SMC3: variants seen among roughly 807,000 people sequenced by gnomAD.
The protein encoded by SMC3 is structural maintenance of chromosomes 3.
SMC3 carries 20 observed loss-of-function variants against 171.8 expected under a neutral mutation model. That is an observed-to-expected ratio of 0.12 (90% CI 0.08 to 0.17). SMC3 has a LOEUF of 0.17. SMC3 is among the 10% of genes least tolerant of loss of function. SMC3 has a pLI of 1.00. For missense variants in SMC3, 543 were observed against 1,420.4 expected (o/e 0.38, Z 9.93); for synonymous variants, 464 against 451.1 (o/e 1.03, Z -0.36).
intron 7 of SMC3, 32 bp downstream of exon 7, chr10:110,578,738 A>G: frequency 6.6e-7 from 1 of 1,504,264 alleles, no homozygotes; most frequent in Non-Finnish European, 9.2e-7. Context: ...TTTAAGTAGA[A>G]TTTGTTTTCT....
intron 13 of SMC3, 130 bp downstream of exon 13, chr10:110,584,526 T>G: frequency 1.5e-6 from 1 of 670,442 alleles, no homozygotes; most frequent in Non-Finnish European, 2.6e-6. Flanking sequence ...GATACTTATT[T>G]AGAAAAGGCC....
intron 7 of SMC3, 59 bp downstream of exon 7, chr10:110,578,765 A>G (rs1860992035): frequency 6.0e-6 from 8 of 1,343,564 alleles, no homozygotes; most frequent in Non-Finnish European, 8.4e-6. Context: ...TTCTTGAGTG[A>G]TGAATTTGGT....
chr10:110,577,383 A>G (rs1182285160), intron 4 of SMC3, 38 bp from the exon 5 acceptor site: 1 of 1,480,990 alleles, frequency 6.8e-7, no homozygotes, highest in Non-Finnish European at 9.4e-7. Flanking sequence ...ATGAATATAC[A>G]ACTTAAATGG....
chr10:110,592,804 G>C (rs1156525158), intron 17 of SMC3, among the ~76,000 whole-genome samples: 1 of 152,140 alleles, frequency 6.6e-6, no homozygotes, highest in African/African-American at 2.4e-5. Flanking sequence ...ATGGTGAAAC[G>C]AGTGTTTGAA....
rs1348417488 is a variant in SMC3 at position 110,602,636 on chromosome 10, G to A, written c.3268G>A (p.Val1090Ile). The A allele has an allele frequency of 1.2e-6, 2 of 1,614,050 alleles. No individual in the cohort carries two copies. Among genetic ancestry groups the A allele is most frequent in the Admixed American group, 1.7e-5 (1 of 60,008 alleles). ...TGGCTCACAAAGCAGTGTCCCATCA[G>A]TTGACCAGTTTACTGGAGTTGGAAT... The part of the protein sequence containing the change: ...GSGSQSSVPS[V>I]DQFTGVGIRV... The change falls in exon 26 of 29, where the codon GTT (valine) becomes ATT (isoleucine). Residue 1090 changes from valine (V) to isoleucine (I), a missense_variant. Val to Ile is a conservative substitution (Grantham distance 29). This residue lies in a region of SMC3 where 34 missense variants were observed against 59.1 expected (regional missense o/e 0.58). Transcript: ENST00000361804.
At chr10:110,588,352 T>A (rs1314434291) in intron 13 of SMC3, among the ~76,000 whole-genome samples, 1 of 152,206 alleles carries the variant, frequency 6.6e-6, no homozygotes, top group African/African-American at 2.4e-5. Context: ...AGTAGTAACA[T>A]TGACTTTTGT....
intron 13 of SMC3, among the ~76,000 whole-genome samples, chr10:110,586,292 G>A (rs569232501): frequency 3.3e-5 from 5 of 152,198 alleles, no homozygotes; most frequent in Non-Finnish European, 5.9e-5. Flanking sequence ...AGGTAAAATT[G>A]CGAGGAGTGT....
chr10:110,592,347 A>G (rs943684075), intron 17 of SMC3, among the ~76,000 whole-genome samples: 2 of 152,074 alleles, frequency 1.3e-5, no homozygotes, highest in African/African-American at 4.8e-5. Context: ...CTCGCAGGTA[A>G]CCACTGTAGG....
Position 110,603,015 on chromosome 10 carries a change from TAC to T in SMC3, c.3475+15_3475+16del. ...AAGGCTGTGTCAGGTACAGTTTCAG[TAC>T]AGTTTTGGTTTTGTATTTAACAATA... On this transcript the variant is annotated intron_variant, in intron 27 of 28. Coordinates refer to ENST00000361804, the MANE Select transcript of SMC3 (RefSeq NM_005445.4). 1.9e-6 allele frequency: 3 copies of T among 1,613,948 alleles called. No homozygotes were observed. The highest frequency in any genetic ancestry group is 2.2e-5 in the South Asian group (2 of 91,080).
At chr10:110,576,690 T>C (rs958647066) in intron 4 of SMC3, among the ~76,000 whole-genome samples, 4 of 151,992 alleles carry the variant, frequency 2.6e-5, no homozygotes, top group African/African-American at 9.7e-5. Context: ...GTAATCAGAA[T>C]TGATTTCCTT....
In SMC3 at chr10:110,596,558, T is replaced by A. The variant is rs1043821255; in HGVS notation, c.2116+8T>A. 3 of 1,613,372 alleles carry A rather than the reference T, an allele frequency of 1.9e-6. No homozygotes were observed. The highest frequency in any genetic ancestry group is 1.7e-6 in the Non-Finnish European group (2 of 1,179,598). The stretch of plus-strand genomic sequence containing the variant: ...TGCGCAGAAATATTGAAAATATCTT[T>A]TTGTTTTGTGCATAGTGATAGATAT... On this transcript the variant is annotated splice_region_variant and intron_variant, in intron 19 of 28. Coordinates refer to ENST00000361804, the MANE Select transcript of SMC3 (RefSeq NM_005445.4).
At chr10:110,593,651 T>C (rs1861245528) in intron 18 of SMC3, among the ~76,000 whole-genome samples, 1 of 152,148 alleles carries the variant, frequency 6.6e-6, no homozygotes, top group African/African-American at 2.4e-5. Context: ...TTACAGTATT[T>C]TGGAGACATT....
chr10:110,598,410 C>A (rs1861333305), intron 20 of SMC3, 120 bp downstream of exon 20: 3 of 889,534 alleles, frequency 3.4e-6, no homozygotes, highest in Non-Finnish European at 5.1e-6. Flanking sequence ...TGGACCCATA[C>A]TTTTTTTTTT....
In SMC3 at chr10:110,578,649, C is replaced by T. The variant is rs972620847; in HGVS notation, c.372C>T (p.Leu124=). The T allele has an allele frequency of 5.6e-6, 9 of 1,609,912 alleles. No individual in the cohort carries two copies. In the Admixed American group the frequency reaches 1.2e-4, roughly 21 times the overall value. The change falls in exon 7 of 29, where the codon CTC becomes CTT. Residue 124 remains leucine (L), a synonymous_variant. Coordinates refer to ENST00000361804, the MANE Select transcript of SMC3 (RefSeq NM_005445.4). Reference sequence around the variant, plus strand: ...ACAGGAAAAATGATGTGATGAACCTCCTTGAAAGCGCTGGTTTTTCTCGAA... The same window carrying T: ...ACAGGAAAAATGATGTGATGAACCTTCTTGAAAGCGCTGGTTTTTCTCGAA... ...KMVTKNDVMN[L]LESAGFSRSN...
At position 110,601,756 on chromosome 10, in the gene SMC3, C is replaced by G; in HGVS notation, c.2764C>G (p.Leu922Val). The change falls in exon 24 of 29, where the codon CTG becomes GTG. Residue 922 changes from leucine to valine, a missense_variant. Physicochemically the swap from Leu to Val is conservative, Grantham distance 32. Transcript: ENST00000361804. ...MDAINHDTKELEKMTNRQGML... is the reference protein window; with the variant it reads ...MDAINHDTKEVEKMTNRQGML... ...TGCTATAAATCATGATACTAAAGAACTGGAAAAGATGACAAATCGGCAAGG... is the reference window on the plus strand; with the variant it reads ...TGCTATAAATCATGATACTAAAGAAGTGGAAAAGATGACAAATCGGCAAGG... 6.2e-7 allele frequency: 1 copy of G among 1,613,674 alleles called. No homozygotes were observed. The highest frequency in any genetic ancestry group is 8.5e-7 in the Non-Finnish European group (1 of 1,179,880).
intron 18 of SMC3, among the ~76,000 whole-genome samples, chr10:110,594,598 CTGAATTT>C (rs1286363481): frequency 1.3e-5 from 2 of 152,046 alleles, no homozygotes; most frequent in African/African-American, 4.8e-5. Context: ...CACAGATCTT[CTGAATTT>C]TATCTTTGAA....
chr10:110,597,177 A>G (rs553596631), intron 19 of SMC3, among the ~76,000 whole-genome samples: 9 of 151,912 alleles, frequency 5.9e-5, no homozygotes, highest in Admixed American at 1.3e-4. Context: ...GGGAGGGTGA[A>G]AAATGTTAGA....
intron 13 of SMC3, among the ~76,000 whole-genome samples, chr10:110,587,108 C>G (rs1040460699): frequency 1.3e-5 from 2 of 152,148 alleles, no homozygotes; most frequent in Admixed American, 6.5e-5. Flanking sequence ...ACATACTTAT[C>G]AAACTTAAGT....
At chr10:110,591,158 T>A (rs368673338) in intron 17 of SMC3, 26 bp downstream of exon 17, 1 of 1,607,724 alleles carries the variant, frequency 6.2e-7, no homozygotes, top group Non-Finnish European at 8.5e-7. Flanking sequence ...ATAAGGTGTA[T>A]TTCTCTTTTA....
Sources: allele counts gnomAD v4.1 joint callset (sites outside exome capture counted in the v4.1 genomes callset), GRCh38; gene constraint gnomAD v4.1.1; regional missense constraint gnomAD v4.1.1; transcripts MANE v1.5; gene names NCBI Gene and HGNC (gene_info 2026-07-23, HGNC 2026-07-21).